The following MBD5 variants were observed in gnomAD, a reference collection of about 807,000 sequenced individuals.
The protein encoded by MBD5 is methyl-CpG binding domain protein 5, also known as methyl-CpG-binding domain protein 5.
In MBD5, 13 loss-of-function variants were observed where a neutral mutation model predicts 117.3. That is an observed-to-expected ratio of 0.11 (90% CI 0.07 to 0.18). The LOEUF is 0.18. Among genes scored for constraint, MBD5 ranks in the 10% least tolerant of loss-of-function variants. MBD5 has a pLI of 1.00. For missense variants in MBD5, 1,879 were observed against 2,093.8 expected (o/e 0.90, Z 2.00); for synonymous variants, 727 against 766.4 (o/e 0.95, Z 0.85).
At chr2:148,330,859 A>G (rs1702627439) in intron 3 of MBD5, among the ~76,000 whole-genome samples, 1 of 152,206 alleles carries the variant, frequency 6.6e-6, no homozygotes, top group Admixed American at 6.5e-5. Flanking sequence ...TTTGGTAATT[A>G]CTGTTCATGT....
intron 3 of MBD5, among the ~76,000 whole-genome samples, chr2:148,323,025 G>T (rs1014824113): frequency 6.9e-6 from 1 of 145,164 alleles, no homozygotes; most frequent in Non-Finnish European, 1.5e-5. Flanking sequence ...TCCCCAGACT[G>T]TGATGTTCCC....
intron 4 of MBD5, among the ~76,000 whole-genome samples, chr2:148,392,386 C>T (rs1221494861): frequency 6.6e-6 from 1 of 152,082 alleles, no homozygotes. Flanking sequence ...GTAAAAATTA[C>T]CTGGAGTTGC....
chr2:148,152,707 C>G (rs1697719055), intron 1 of MBD5, among the ~76,000 whole-genome samples: 1 of 151,186 alleles, frequency 6.6e-6, no homozygotes. Context: ...CCTTCTTTGT[C>G]TCTTTTGATC....
At chr2:148,086,861 C>T (rs1203355139) in intron 1 of MBD5, among the ~76,000 whole-genome samples, 12 of 152,272 alleles carry the variant, frequency 7.9e-5, no homozygotes, top group African/African-American at 1.9e-4. Context: ...TTTACTACCT[C>T]GCCTTTATCT....
At chr2:148,380,362 A>G (rs546679425) in intron 4 of MBD5, among the ~76,000 whole-genome samples, 1 of 152,306 alleles carries the variant, frequency 6.6e-6, no homozygotes, top group South Asian at 2.1e-4. Flanking sequence ...TCATTTACAA[A>G]AAGTGCCATA....
chr2:148,067,920 A>G (rs1158088691), intron 1 of MBD5, among the ~76,000 whole-genome samples: 3 of 152,212 alleles, frequency 2.0e-5, no homozygotes, highest in Non-Finnish European at 1.5e-5. Context: ...GTAGTATGTC[A>G]ACTGTGTTAA....
At chr2:148,270,036 G>A (rs1700947095) in intron 3 of MBD5, among the ~76,000 whole-genome samples, 1 of 151,664 alleles carries the variant, frequency 6.6e-6, no homozygotes, top group African/African-American at 2.4e-5. Context: ...CTTGTTCATG[G>A]ATGCAGTGTA....
chr2:148,391,305 A>C (rs534861751), intron 4 of MBD5, among the ~76,000 whole-genome samples: 27 of 152,300 alleles, frequency 1.8e-4, no homozygotes, highest in Non-Finnish European at 3.5e-4. Context: ...AGCTAAATAT[A>C]GTTTTATCAT....
intron 1 of MBD5, among the ~76,000 whole-genome samples, chr2:148,064,491 T>G (rs574549693): frequency 6.6e-6 from 1 of 152,292 alleles, no homozygotes; most frequent in Admixed American, 6.5e-5. Context: ...TGAGATTATC[T>G]AGAAACTGGT....
In MBD5 at chr2:148,178,279, A is replaced by G. The variant is rs575854525; in HGVS notation, c.-924-421A>G. On this transcript the variant is annotated intron_variant, in intron 1 of 13. Transcript: ENST00000642680. ...AATACTGAACTAATTGATTTCTATG[A>G]TTTTGGCTTTTATAAGCAACTCAAG... 5.9e-5 allele frequency among the ~76,000 whole-genome samples: 9 copies of G among 152,304 alleles called. No individual in the cohort carries two copies. In the South Asian group the frequency reaches 1.9e-3, roughly 32 times the overall value.
intron 4 of MBD5, among the ~76,000 whole-genome samples, chr2:148,403,923 G>T (rs1273330930): frequency 6.6e-6 from 1 of 151,404 alleles, no homozygotes; most frequent in African/African-American, 2.4e-5. Context: ...CAACTAATTT[G>T]TTCCCCATTT....
At chr2:148,267,589 C>T (rs1700888093) in intron 3 of MBD5, among the ~76,000 whole-genome samples, 1 of 152,134 alleles carries the variant, frequency 6.6e-6, no homozygotes, top group African/African-American at 2.4e-5. Context: ...CCTTGCCTCC[C>T]TCTCCAGAGG....
In MBD5 at chr2:148,262,322, A is replaced by G. The variant is rs1700750558; in HGVS notation, c.-680+28927A>G. ...AATGTTTACCAGAGGATGACATATA[A>G]CATGAATCTCTTTTATCATCTAAAG... On this transcript the variant is annotated intron_variant, in intron 3 of 13. Coordinates refer to ENST00000642680, the MANE Select transcript of MBD5 (RefSeq NM_001378120.1). 2.6e-5 allele frequency among the ~76,000 whole-genome samples: 4 copies of G among 152,148 alleles called. No homozygotes were observed. The South Asian group carries it at 8.3e-4, about 32-fold the overall frequency.
At chr2:148,512,774 G>T (rs1285204734) in intron 13 of MBD5, 96 bp from the exon 14 acceptor site, 1 of 1,108,748 alleles carries the variant, frequency 9.0e-7, no homozygotes, top group Non-Finnish European at 1.4e-6. Context: ...GAAAGCCAGA[G>T]TCTATTCCCT....
intron 1 of MBD5, among the ~76,000 whole-genome samples, chr2:148,156,205 A>T (rs1697869318): frequency 6.6e-6 from 1 of 152,246 alleles, no homozygotes; most frequent in Non-Finnish European, 1.5e-5. Context: ...TCCCAGAATT[A>T]AAACCGACCA....
At chr2:148,207,229 T>A (rs1699305378) in intron 2 of MBD5, among the ~76,000 whole-genome samples, 1 of 152,082 alleles carries the variant, frequency 6.6e-6, no homozygotes, top group African/African-American at 2.4e-5. Context: ...ATATATAGGT[T>A]GTAAATTAAC....
At chr2:148,279,668 G>C (rs915391008) in intron 3 of MBD5, among the ~76,000 whole-genome samples, 3 of 152,102 alleles carry the variant, frequency 2.0e-5, no homozygotes, top group African/African-American at 7.2e-5. Context: ...TTTAGCTCTA[G>C]ATGTATCTCA....
chr2:148,176,484 A>G (rs1406430762), intron 1 of MBD5, among the ~76,000 whole-genome samples: 1 of 151,730 alleles, frequency 6.6e-6, no homozygotes, highest in Non-Finnish European at 1.5e-5. Flanking sequence ...AGCTCACCGC[A>G]ACCTCTGTCT....
chr2:148,296,219 T>A (rs1262810886), intron 3 of MBD5: 1 of 194,092 alleles, frequency 5.2e-6, no homozygotes, highest in Non-Finnish European at 1.1e-5. Context: ...GTGACCATTT[T>A]GTTTATCCTG....
Sources: gnomAD v4.1 joint callset for allele counts (sites outside exome capture counted in the v4.1 genomes callset) on GRCh38, gnomAD v4.1.1 for gene constraint, MANE v1.5 for transcripts, NCBI Gene and HGNC (gene_info 2026-07-23, HGNC 2026-07-21) for gene names.